Variants in TBCEL observed in about 807,000 individuals in gnomAD.
TBCEL encodes the protein tubulin-specific chaperone cofactor E-like protein.
A neutral mutation model predicts 44.2 loss-of-function variants in TBCEL; 15 were observed. That is an observed-to-expected ratio of 0.34 (90% CI 0.23 to 0.52). The LOEUF (loss-of-function observed/expected upper bound fraction) is 0.52. Among genes scored for constraint, TBCEL ranks in the 20% least tolerant of loss-of-function variants. The pLI is 0.95. For synonymous variants in TBCEL, 171 were observed against 185.4 expected, an observed-to-expected ratio of 0.92 and a Z score of 0.63; for missense variants, 319 against 506.3, an observed-to-expected ratio of 0.63 and a Z score of 3.55.
intron 1 of TBCEL, among the ~76,000 whole-genome samples, chr11:121,025,991 T>TAA (rs1487588334): frequency 6.6e-6 from 1 of 152,104 alleles, no homozygotes; most frequent in Non-Finnish European, 1.5e-5. Flanking sequence ...ACAACATAGT[T>TAA]AAAGAAATTT....
chr11:121,073,792 A>G (rs1000657615), intron 8 of TBCEL, among the ~76,000 whole-genome samples: 6 of 151,806 alleles, frequency 4.0e-5, no homozygotes, highest in African/African-American at 1.4e-4. Context: ...GTAGACATTG[A>G]ATTTTGTAGA....
chr11:121,038,434 T>C (rs1464055818), intron 2 of TBCEL, among the ~76,000 whole-genome samples: 1 of 152,168 alleles, frequency 6.6e-6, no homozygotes, highest in African/African-American at 2.4e-5. Flanking sequence ...TCAGAAAGAC[T>C]GCTTTAGAAA....
intron 1 of TBCEL, among the ~76,000 whole-genome samples, chr11:121,025,738 T>C (rs1384990595): frequency 6.7e-6 from 1 of 148,404 alleles, no homozygotes; most frequent in African/African-American, 2.5e-5. Flanking sequence ...TTTATTTTAT[T>C]TTGGCCGGGG....
intron 1 of TBCEL, among the ~76,000 whole-genome samples, chr11:121,027,866 G>A (rs549803083): frequency 2.7e-4 from 41 of 152,246 alleles, no homozygotes; most frequent in East Asian, 1.2e-3. Flanking sequence ...CTACCAGGGC[G>A]TAGTTCATAG....
intron 2 of TBCEL, among the ~76,000 whole-genome samples, chr11:121,038,452 A>G (rs1417979906): frequency 6.6e-6 from 1 of 152,194 alleles, no homozygotes; most frequent in African/African-American, 2.4e-5. Flanking sequence ...AAAACAAAAC[A>G]AAAATTCCAG....
At position 121,086,379 on chromosome 11, in the gene TBCEL, T is replaced by G. The variant is rs112181364; in HGVS notation, c.957-399T>G. Among the ~76,000 whole-genome samples the G allele has an allele frequency of 1.5e-3, 230 of 152,350 alleles. 1 individual carries two copies. Among genetic ancestry groups the G allele is most frequent in the African/African-American group, 4.8e-3 (200 of 41,582 alleles). ...CTCCAGGCCTCAGAAACTGCTGGCC[T>G]CCTTCCATCTTTCCATCTATTCCCA... On this transcript the variant is annotated intron_variant, in intron 8 of 8. Coordinates refer to ENST00000683345, the MANE Select transcript of TBCEL (RefSeq NM_001363644.2).
chr11:121,025,985 C>T (rs757305468), intron 1 of TBCEL, among the ~76,000 whole-genome samples: 6 of 152,106 alleles, frequency 3.9e-5, no homozygotes, highest in Non-Finnish European at 8.8e-5. Context: ...TTTATCACAA[C>T]ATAGTTAAAG....
intron 4 of TBCEL, among the ~76,000 whole-genome samples, chr11:121,048,795 CTT>C (rs1945478837): frequency 6.6e-6 from 1 of 151,870 alleles, no homozygotes; most frequent in African/African-American, 2.4e-5. Context: ...TATACTTTTA[CTT>C]GCAGCTCATG....
chr11:121,073,510 A>G (rs11218135), intron 8 of TBCEL, among the ~76,000 whole-genome samples: 31,908 of 151,756 alleles, frequency 0.21, 3,438 homozygotes, highest in East Asian at 0.32. Flanking sequence ...AGTCTTACAT[A>G]TAGAGTAGTT....
At chr11:121,045,625 T>G in intron 2 of TBCEL, 49 bp from the exon 3 acceptor site, 8 of 1,447,650 alleles carry the variant, frequency 5.5e-6, no homozygotes, top group Non-Finnish European at 7.5e-6. Flanking sequence ...ACTTCTTATG[T>G]GAGTAAATAC....
intron 7 of TBCEL, among the ~76,000 whole-genome samples, chr11:121,059,480 A>T (rs1945681343): frequency 6.6e-6 from 1 of 151,884 alleles, no homozygotes; most frequent in African/African-American, 2.4e-5. Context: ...AATGTGCTAT[A>T]AGGGTAAAAT....
At chr11:121,047,399 T>C (rs1341223827) in intron 3 of TBCEL, 129 bp from the exon 4 acceptor site, 2 of 1,135,114 alleles carry the variant, frequency 1.8e-6, no homozygotes, top group Non-Finnish European at 2.5e-6. Context: ...CATTATATCC[T>C]GTATTTTCTA....
intron 2 of TBCEL, among the ~76,000 whole-genome samples, chr11:121,044,381 C>G (rs921654032): frequency 1.3e-5 from 2 of 152,106 alleles, no homozygotes; most frequent in Non-Finnish European, 2.9e-5. Context: ...TACAAGATCT[C>G]CTCTGAGGCT....
chr11:121,030,721 A>G (rs369073319), intron 1 of TBCEL, among the ~76,000 whole-genome samples: 9 of 152,210 alleles, frequency 5.9e-5, no homozygotes, highest in African/African-American at 1.9e-4. Flanking sequence ...ACTATCCACT[A>G]AGGATACCAC....
intron 8 of TBCEL, among the ~76,000 whole-genome samples, chr11:121,079,983 T>A (rs752721951): frequency 6.6e-6 from 1 of 152,192 alleles, no homozygotes; most frequent in East Asian, 1.9e-4. Context: ...TCTGGCTATT[T>A]TTTTTGTATT....
chr11:121,062,954 CT>C (rs960683487), intron 8 of TBCEL, among the ~76,000 whole-genome samples: 2 of 151,872 alleles, frequency 1.3e-5, no homozygotes, highest in Admixed American at 1.3e-4. Context: ...TCTCACTGTC[CT>C]TTTTTTTCTC....
intron 2 of TBCEL, among the ~76,000 whole-genome samples, chr11:121,042,850 A>G (rs1945358683): frequency 6.6e-6 from 1 of 152,162 alleles, no homozygotes; most frequent in South Asian, 2.1e-4. Flanking sequence ...TAGACCATAC[A>G]TAAGTGAGAA....
At chr11:121,057,793 G>C (rs181686952) in intron 6 of TBCEL, among the ~76,000 whole-genome samples, 1 of 151,392 alleles carries the variant, frequency 6.6e-6, no homozygotes, top group Non-Finnish European at 1.5e-5. Flanking sequence ...AGGGACTTGA[G>C]CATCTGCGGA....
chr11:121,056,160 C>G (rs1482578908), intron 6 of TBCEL, among the ~76,000 whole-genome samples: 7 of 151,818 alleles, frequency 4.6e-5, no homozygotes, highest in Non-Finnish European at 1.0e-4. Flanking sequence ...CCAATCCCGG[C>G]AACCACTCAT....
Sources: allele counts gnomAD v4.1 joint callset (sites outside exome capture counted in the v4.1 genomes callset), GRCh38; gene constraint gnomAD v4.1.1; transcripts MANE v1.5; gene names NCBI Gene and HGNC (gene_info 2026-07-23, HGNC 2026-07-21).